SGCD: variants seen among roughly 807,000 people sequenced by gnomAD.
SGCD encodes sarcoglycan delta, also known as delta-sarcoglycan.
In SGCD, 18 loss-of-function variants were observed where a neutral mutation model predicts 36.6. That is an observed-to-expected ratio of 0.49 (90% CI 0.34 to 0.73). SGCD has a LOEUF of 0.73. SGCD is among the 30% of genes least tolerant of loss of function. The pLI, the probability that SGCD is intolerant of heterozygous loss-of-function variation, is 0.01. For synonymous variants in SGCD, 133 were observed against 130.6 expected, an observed-to-expected ratio of 1.02 and a Z score of -0.12; for missense variants, 387 against 346.7, an observed-to-expected ratio of 1.12 and a Z score of -0.92.
At chr5:155,839,171 T>C in the SGCD span, among the ~76,000 whole-genome samples, 1 of 152,164 alleles carries the variant, frequency 6.6e-6, no homozygotes, top group African/African-American at 2.4e-5. Flanking sequence ...GAAGAATCAA[T>C]TATGCATACA....
At chr5:155,749,006 T>TGTG in the SGCD span, among the ~76,000 whole-genome samples, 3 of 152,158 alleles carry the variant, frequency 2.0e-5, no homozygotes, top group Non-Finnish European at 4.4e-5. Flanking sequence ...TAATGACAAC[T>TGTG]GTGGTTTATT....
Position 156,316,576 on chromosome 5 carries a change from A to T in SGCD, c.-43-12958A>T, listed in dbSNP as rs531935212. Among the ~76,000 whole-genome samples, 6 of 152,194 alleles carry T rather than the reference A, an allele frequency of 3.9e-5. No individual in the cohort carries two copies. In the East Asian group the frequency reaches 1.2e-3, roughly 29 times the overall value. ...TATATTGTAAAGATATTGTAATCAAAACAGTATGATACTTGCATAAACACA... is the reference window on the plus strand; with the variant it reads ...TATATTGTAAAGATATTGTAATCAATACAGTATGATACTTGCATAAACACA... On this transcript the variant is annotated intron_variant, in intron 3 of 9. Transcript: ENST00000517913.
Position 156,061,918 on chromosome 5 carries a change from ACT to A in SGCD, c.-281-55959_-281-55958del, listed in dbSNP as rs1491114752. 5.3e-4 allele frequency among the ~76,000 whole-genome samples: 48 copies of A among 91,162 alleles called. 8 individuals carry two copies. Among genetic ancestry groups the A allele is most frequent in the African/African-American group, 2.0e-3 (48 of 23,498 alleles). 59.8% of individuals were successfully genotyped at this position (91,162 alleles called of 152,430 possible). ...TTTGGTGATAATTCCAGGAGTTTTC[ACT>A]TTTTTTTTTTTTTTTTTTTTTTTTA... On this transcript the variant is annotated intron_variant, in intron 1 of 9. Coordinates refer to the SGCD transcript ENST00000517913.
intron 1 of SGCD, among the ~76,000 whole-genome samples, chr5:155,959,556 C>A (rs1349022446): frequency 2.0e-5 from 3 of 152,032 alleles, no homozygotes; most frequent in Non-Finnish European, 4.4e-5. Context: ...TGTTATGTTT[C>A]CTTGCTTTTG....
intron 1 of SGCD, among the ~76,000 whole-genome samples, chr5:156,021,764 G>T (rs1344980833): frequency 2.0e-5 from 3 of 152,118 alleles, no homozygotes; most frequent in Non-Finnish European, 4.4e-5. Context: ...CATATCTCAG[G>T]AGCCAGAGGA....
chr5:156,579,872 G>T (rs1561792339), intron 4 of SGCD, among the ~76,000 whole-genome samples: 1 of 152,242 alleles, frequency 6.6e-6, no homozygotes, highest in Middle Eastern at 3.4e-3. Context: ...TATCCAATTT[G>T]CCAGTCTGTG....
At chr5:156,522,983 G>C (rs569937898) in intron 4 of SGCD, among the ~76,000 whole-genome samples, 1 of 152,178 alleles carries the variant, frequency 6.6e-6, no homozygotes, top group Admixed American at 6.5e-5. Flanking sequence ...TAATGAAGAG[G>C]GAGATTTGTA....
the SGCD span, among the ~76,000 whole-genome samples, chr5:155,732,499 C>A: frequency 6.6e-6 from 1 of 152,130 alleles, no homozygotes; most frequent in Non-Finnish European, 1.5e-5. Flanking sequence ...TTGAGAAAAA[C>A]AAAAGTAGCT....
At chr5:156,326,514 G>T (rs926809587), upstream of SGCD, among the ~76,000 whole-genome samples, 1 of 152,154 alleles carries the variant, frequency 6.6e-6, no homozygotes, top group African/African-American at 2.4e-5. Flanking sequence ...ATCAGGTTGA[G>T]GGGACAGCTC....
intron 4 of SGCD, among the ~76,000 whole-genome samples, chr5:156,581,393 G>A (rs1195778071): frequency 6.6e-6 from 1 of 152,198 alleles, no homozygotes; most frequent in African/African-American, 2.4e-5. Context: ...CACTAGAGGA[G>A]GCAGTCTGTC....
chr5:156,324,978 A>C (rs900418930), upstream of SGCD, among the ~76,000 whole-genome samples: 2 of 152,140 alleles, frequency 1.3e-5, no homozygotes, highest in African/African-American at 4.8e-5. Context: ...AAACATGAAC[A>C]TTGTAATTGT....
At chr5:156,363,378 G>A (rs1265670356) in intron 3 of SGCD, among the ~76,000 whole-genome samples, 6 of 152,202 alleles carry the variant, frequency 3.9e-5, no homozygotes, top group African/African-American at 1.2e-4. Context: ...TTTTGAAAAT[G>A]CAGTGAAAAA....
chr5:156,091,452 C>T (rs1257990050), intron 1 of SGCD, among the ~76,000 whole-genome samples: 1 of 152,346 alleles, frequency 6.6e-6, no homozygotes, highest in Middle Eastern at 3.4e-3. Context: ...TGCAGCAGTA[C>T]TGTCAGAGCA....
At chr5:155,808,347 G>A in the SGCD span, among the ~76,000 whole-genome samples, 2 of 152,160 alleles carry the variant, frequency 1.3e-5, no homozygotes, top group African/African-American at 4.8e-5. Flanking sequence ...GCATAAGCAG[G>A]TGCTGGACAG....
intron 3 of SGCD, among the ~76,000 whole-genome samples, chr5:156,145,125 C>A (rs1762680073): frequency 6.6e-6 from 1 of 152,224 alleles, no homozygotes; most frequent in East Asian, 1.9e-4. Context: ...GTGATTGAGT[C>A]ATGGGGGTGG....
intron 6 of SGCD, among the ~76,000 whole-genome samples, chr5:156,602,377 A>C (rs980021831): frequency 5.9e-5 from 9 of 151,922 alleles, no homozygotes; most frequent in African/African-American, 2.2e-4. Flanking sequence ...AGGGTTTTCC[A>C]TATGTTATAT....
intron 3 of SGCD, among the ~76,000 whole-genome samples, chr5:156,433,551 G>C (rs1580986349): frequency 6.6e-6 from 1 of 152,138 alleles, no homozygotes; most frequent in African/African-American, 2.4e-5. Context: ...CCAAAATGAG[G>C]CTAAGGATTC....
At chr5:156,494,622 C>T (rs938952729) in intron 3 of SGCD, among the ~76,000 whole-genome samples, 4 of 152,112 alleles carry the variant, frequency 2.6e-5, no homozygotes, top group East Asian at 3.8e-4. Flanking sequence ...AATCAGCTCC[C>T]GTCATTGCCC....
the SGCD span, among the ~76,000 whole-genome samples, chr5:155,741,357 C>T: frequency 2.0e-5 from 3 of 152,168 alleles, no homozygotes; most frequent in African/African-American, 7.2e-5. Context: ...AGGGAATTCT[C>T]TATAGAATGT....
Sources: allele counts gnomAD v4.1 joint callset (sites outside exome capture counted in the v4.1 genomes callset), GRCh38; gene constraint gnomAD v4.1.1; transcripts MANE v1.5; gene names NCBI Gene and HGNC (gene_info 2026-07-23, HGNC 2026-07-21).